Variants in SLC9A2 observed in about 807,000 individuals in gnomAD.
SLC9A2 encodes sodium/hydrogen exchanger 2.
A neutral mutation model predicts 71.7 loss-of-function variants in SLC9A2; 42 were observed. The ratio of observed to expected loss-of-function variants is 0.59; its 90% CI spans 0.46 to 0.76. The LOEUF is 0.76. Among genes scored for constraint, SLC9A2 ranks in the 30% least tolerant of loss-of-function variants. SLC9A2 has a pLI of 0.00. For synonymous variants in SLC9A2, 396 were observed against 392.5 expected (o/e 1.01, Z -0.10); for missense variants, 829 against 1,017.4 (o/e 0.81, Z 2.52).
intron 3 of SLC9A2, among the ~76,000 whole-genome samples, chr2:102,680,244 T>A (rs1041296717): frequency 2.6e-5 from 4 of 152,130 alleles, no homozygotes; most frequent in Non-Finnish European, 5.9e-5. Flanking sequence ...ATGTCTTTTT[T>A]TATATATATA....
intron 8 of SLC9A2, 122 bp downstream of exon 8, chr2:102,701,353 G>GC: frequency 5.5e-6 from 4 of 732,672 alleles, no homozygotes; most frequent in Non-Finnish European, 6.4e-6. Flanking sequence ...CGGCCTCCCA[G>GC]AGTGCTGGGA....
At chr2:102,692,811 T>C (rs1677689348) in intron 5 of SLC9A2, among the ~76,000 whole-genome samples, 1 of 152,212 alleles carries the variant, frequency 6.6e-6, no homozygotes, top group South Asian at 2.1e-4. Flanking sequence ...CATTACAATA[T>C]TGTTATCCTG....
chr2:102,625,205 A>T (rs887609238), intron 1 of SLC9A2, among the ~76,000 whole-genome samples: 1 of 152,178 alleles, frequency 6.6e-6, no homozygotes, highest in African/African-American at 2.4e-5. Context: ...TGTCTGAAGG[A>T]TGACTTCAAC....
At chr2:102,670,849 C>CTTTTTTTTTTTTTT (rs10687841) in intron 3 of SLC9A2, among the ~76,000 whole-genome samples, 2 of 75,892 alleles carry the variant, frequency 2.6e-5, no homozygotes, top group Non-Finnish European at 2.4e-5. Context: ...GGAAGGCATG[C>CTTTTTTTTTTTTTT]TTTTTTTTTT....
intron 1 of SLC9A2, among the ~76,000 whole-genome samples, chr2:102,625,939 A>C (rs150429359): frequency 0.011 from 1,633 of 152,298 alleles, 24 homozygotes; most frequent in African/African-American, 0.037. Flanking sequence ...TCCCACCAAC[A>C]GTGTAAAAGT....
intron 3 of SLC9A2, among the ~76,000 whole-genome samples, chr2:102,666,809 A>ATT (rs552510541): frequency 6.7e-6 from 1 of 150,012 alleles, no homozygotes; most frequent in African/African-American, 2.4e-5. Flanking sequence ...ATGCTTTTAC[A>ATT]TTTTTTTTTT....
intron 1 of SLC9A2, among the ~76,000 whole-genome samples, chr2:102,623,087 T>C (rs12712164): frequency 0.77 from 116,831 of 152,092 alleles, 45,815 homozygotes; most frequent in African/African-American, 0.94. Context: ...TGTTTATATT[T>C]CCTGGGCCCC....
rs1264232469 is a variant in SLC9A2 at position 102,710,112 on chromosome 2, A to G, written c.*1623A>G. On this transcript the variant is annotated 3_prime_UTR_variant, in exon 12 of 12. Coordinates refer to ENST00000233969, the MANE Select transcript of SLC9A2 (RefSeq NM_003048.6). Reference sequence around the variant, plus strand: ...AGACAGAGCAAAGGTTAGATACACAAGGTACAAGTTCATAGGAGCACAATT... The same window carrying G: ...AGACAGAGCAAAGGTTAGATACACAGGGTACAAGTTCATAGGAGCACAATT... 6.5e-6 allele frequency: 1 copy of G among 152,786 alleles called. No individual in the cohort carries two copies. The highest frequency in any genetic ancestry group is 1.5e-5 in the Non-Finnish European group (1 of 68,036). 9.5% of individuals were successfully genotyped at this position (152,786 alleles called of 1,614,324 possible). A position where few individuals can be genotyped will look rare whatever the true frequency, so the allele number is the denominator to read the frequency against.
At chr2:102,695,796 TATATTATATATATATATA>T (rs1677751392) in intron 7 of SLC9A2, among the ~76,000 whole-genome samples, 2 of 109,108 alleles carry the variant, frequency 1.8e-5, no homozygotes, top group African/African-American at 6.4e-5. Flanking sequence ...ATATTATATA[TATATTATATATATATATA>T]ATATATATAT....
intron 2 of SLC9A2, among the ~76,000 whole-genome samples, chr2:102,664,891 C>A (rs540677769): frequency 6.6e-5 from 10 of 152,290 alleles, no homozygotes; most frequent in Admixed American, 6.5e-4. Flanking sequence ...AATTCCCTGA[C>A]AACTCACTTT....
intron 3 of SLC9A2, among the ~76,000 whole-genome samples, chr2:102,669,257 T>TGGGGAAATATTA (rs1204967260): frequency 1.3e-5 from 2 of 152,238 alleles, no homozygotes; most frequent in Non-Finnish European, 2.9e-5. Context: ...TTCCCCTTTG[T>TGGGGAAATATTA]GGCCCTTCCT....
intron 7 of SLC9A2, among the ~76,000 whole-genome samples, chr2:102,696,597 G>C (rs1035590685): frequency 2.6e-5 from 4 of 152,232 alleles, no homozygotes. Flanking sequence ...GCAGACTCCT[G>C]TGTGTGTGTA....
chr2:102,673,473 A>G (rs1465468579), intron 3 of SLC9A2, among the ~76,000 whole-genome samples: 2 of 152,210 alleles, frequency 1.3e-5, no homozygotes, highest in Admixed American at 1.3e-4. Flanking sequence ...TCTTTTAGAC[A>G]AGAAAAAACT....
At chr2:102,704,726 A>T (rs760278330) in intron 10 of SLC9A2, 51 bp downstream of exon 10, 1 of 1,573,682 alleles carries the variant, frequency 6.4e-7, no homozygotes, top group South Asian at 1.1e-5. Flanking sequence ...GCCGACAGCT[A>T]TTCCATTGAT....
intron 1 of SLC9A2, among the ~76,000 whole-genome samples, chr2:102,643,130 G>A (rs1033743932): frequency 5.9e-5 from 9 of 152,136 alleles, no homozygotes; most frequent in African/African-American, 1.9e-4. Flanking sequence ...TGTCAGTCAG[G>A]GGTCAAAAGT....
intron 1 of SLC9A2, among the ~76,000 whole-genome samples, chr2:102,645,685 G>A (rs11903668): frequency 0.056 from 8,433 of 151,898 alleles, 763 homozygotes; most frequent in African/African-American, 0.19. Flanking sequence ...AATTAATCAA[G>A]CGGAAGAAAG....
At chr2:102,621,183 T>C (rs77518775) in intron 1 of SLC9A2, among the ~76,000 whole-genome samples, 17,668 of 151,538 alleles carry the variant, frequency 0.12, 1,370 homozygotes, top group Non-Finnish European at 0.16. Flanking sequence ...AATTAATTAA[T>C]TAGGTAGCCT....
chr2:102,669,313 T>C (rs905370307), intron 3 of SLC9A2, among the ~76,000 whole-genome samples: 1 of 152,364 alleles, frequency 6.6e-6, no homozygotes, highest in Non-Finnish European at 1.5e-5. Flanking sequence ...TTTACACTTA[T>C]GTTTTATTGT....
chr2:102,705,992 A>G, intron 11 of SLC9A2, 56 bp downstream of exon 11: 1 of 1,048,350 alleles, frequency 9.5e-7, no homozygotes, highest in South Asian at 1.5e-5. Context: ...ATGTTTATAA[A>G]CTAGACAAAT....
Sources: allele counts gnomAD v4.1 joint callset (sites outside exome capture counted in the v4.1 genomes callset), GRCh38; gene constraint gnomAD v4.1.1; transcripts MANE v1.5; gene names NCBI Gene and HGNC (gene_info 2026-07-23, HGNC 2026-07-21).